Variants in PDE1A observed in about 807,000 individuals in gnomAD.
The protein encoded by PDE1A is dual specificity calcium/calmodulin-dependent 3',5'-cyclic nucleotide phosphodiesterase 1A.
PDE1A carries 35 observed loss-of-function variants against 61.7 expected under a neutral mutation model. That is an observed-to-expected ratio of 0.57 (90% CI 0.43 to 0.75). The LOEUF (loss-of-function observed/expected upper bound fraction) is 0.75, where lower values mean the gene tolerates loss of function less well. PDE1A is among the 30% of genes least tolerant of loss of function. The pLI is 0.00. For synonymous variants in PDE1A, 232 were observed against 213.2 expected, an observed-to-expected ratio of 1.09 and a Z score of -0.77; for missense variants, 597 against 630.6, an observed-to-expected ratio of 0.95 and a Z score of 0.57.
chr2:182,171,835 C>G (rs1474244709), intron 13 of PDE1A, among the ~76,000 whole-genome samples: 1 of 151,532 alleles, frequency 6.6e-6, no homozygotes, highest in Non-Finnish European at 1.5e-5. Flanking sequence ...TTAGCTTACT[C>G]TGCCCCATCA....
At chr2:182,503,516 C>G (rs1689219803) in intron 2 of PDE1A, among the ~76,000 whole-genome samples, 1 of 152,148 alleles carries the variant, frequency 6.6e-6, no homozygotes, top group Non-Finnish European at 1.5e-5. Context: ...CCTACCTGTA[C>G]TACAGCCCTT....
chr2:182,386,798 G>A (rs1282007316), intron 1 of PDE1A, among the ~76,000 whole-genome samples: 1 of 149,896 alleles, frequency 6.7e-6, no homozygotes, highest in Non-Finnish European at 1.5e-5. Context: ...CTGGGAGGGA[G>A]GTGGGGGGCA....
chr2:182,299,612 T>G (rs961598177), intron 1 of PDE1A, among the ~76,000 whole-genome samples: 5 of 151,562 alleles, frequency 3.3e-5, no homozygotes, highest in Non-Finnish European at 7.4e-5. Flanking sequence ...TACTACAAAT[T>G]TAATGAAACA....
intron 1 of PDE1A, among the ~76,000 whole-genome samples, chr2:182,371,288 G>A (rs1485813726): frequency 6.6e-6 from 1 of 151,952 alleles, no homozygotes; most frequent in Non-Finnish European, 1.5e-5. Context: ...TAAGATCAAG[G>A]CCCTGCCAAA....
upstream of PDE1A, among the ~76,000 whole-genome samples, chr2:182,523,476 T>C (rs1559541081): frequency 6.6e-6 from 1 of 152,172 alleles, no homozygotes; most frequent in Non-Finnish European, 1.5e-5. Flanking sequence ...ATGAGCACCA[T>C]AACAGCTCTT....
At chr2:182,406,835 A>G (rs1473023182) in intron 1 of PDE1A, among the ~76,000 whole-genome samples, 1 of 152,078 alleles carries the variant, frequency 6.6e-6, no homozygotes, top group East Asian at 1.9e-4. Context: ...TTAAAATTAT[A>G]TTAATAAATT....
intron 1 of PDE1A, among the ~76,000 whole-genome samples, chr2:182,335,706 G>A (rs950059198): frequency 2.0e-5 from 3 of 152,140 alleles, no homozygotes; most frequent in African/African-American, 7.2e-5. Flanking sequence ...ACATAGGCAT[G>A]GGCAAATCTT....
the PDE1A span, among the ~76,000 whole-genome samples, chr2:182,595,387 T>C: frequency 3.3e-5 from 5 of 152,190 alleles, no homozygotes; most frequent in African/African-American, 1.2e-4. Flanking sequence ...ATTGACTCTT[T>C]CAAAGATTCT....
chr2:182,700,963 T>C, the PDE1A span, among the ~76,000 whole-genome samples: 1 of 151,876 alleles, frequency 6.6e-6, no homozygotes, highest in East Asian at 1.9e-4. Flanking sequence ...TCCTAATTAG[T>C]TTTCATTTAA....
chr2:182,352,398 G>A (rs1203287993), intron 1 of PDE1A, among the ~76,000 whole-genome samples: 2 of 152,146 alleles, frequency 1.3e-5, no homozygotes, highest in Non-Finnish European at 1.5e-5. Flanking sequence ...GAACCCAGGA[G>A]CCTTATGCCT....
the PDE1A span, among the ~76,000 whole-genome samples, chr2:182,575,670 G>A: frequency 2.8e-3 from 422 of 148,810 alleles, 5 homozygotes; most frequent in Non-Finnish European, 4.0e-3. Context: ...TTCCAGGGGA[G>A]GAACGCTGCC....
the PDE1A span, among the ~76,000 whole-genome samples, chr2:182,561,530 G>C: frequency 6.6e-6 from 1 of 152,128 alleles, no homozygotes; most frequent in Non-Finnish European, 1.5e-5. Context: ...GATTGACTTG[G>C]CAATGCGGGC....
At chr2:182,519,363 G>A (rs1222432554) in intron 2 of PDE1A, among the ~76,000 whole-genome samples, 1 of 152,000 alleles carries the variant, frequency 6.6e-6, no homozygotes, top group Non-Finnish European at 1.5e-5. Flanking sequence ...ATGATGACTT[G>A]TAGTGTAGAA....
chr2:182,158,052 C>A (rs1201433593), intron 13 of PDE1A, among the ~76,000 whole-genome samples: 2 of 152,178 alleles, frequency 1.3e-5, no homozygotes, highest in African/African-American at 4.8e-5. Context: ...CAATACCTAA[C>A]TTTGGCTGGC....
intron 2 of PDE1A, among the ~76,000 whole-genome samples, chr2:182,446,835 C>T (rs1320810600): frequency 4.0e-5 from 6 of 151,722 alleles, no homozygotes; most frequent in African/African-American, 1.5e-4. Flanking sequence ...GTATGTGATC[C>T]CCAGAAAATT....
chr2:182,574,220 G>A, the PDE1A span, among the ~76,000 whole-genome samples: 1 of 152,006 alleles, frequency 6.6e-6, no homozygotes, highest in Non-Finnish European at 1.5e-5. Context: ...GCTGGCAGCT[G>A]ATTAAAAGGT....
intron 1 of PDE1A, among the ~76,000 whole-genome samples, chr2:182,390,720 G>C (rs1361753288): frequency 6.6e-6 from 1 of 152,196 alleles, no homozygotes; most frequent in East Asian, 1.9e-4. Context: ...CTGTTAAAGT[G>C]AGGGCATTGA....
At chr2:182,400,924 T>C (rs1045062525) in intron 1 of PDE1A, among the ~76,000 whole-genome samples, 1 of 152,206 alleles carries the variant, frequency 6.6e-6, no homozygotes, top group Admixed American at 6.5e-5. Flanking sequence ...TTACCAAACA[T>C]TAATGATTCC....
chr2:182,599,346 G>T, the PDE1A span, among the ~76,000 whole-genome samples: 4 of 152,228 alleles, frequency 2.6e-5, no homozygotes, highest in Non-Finnish European at 5.9e-5. Context: ...TGGCCTTAGG[G>T]TAGTCTTTTT....
Sources: gnomAD v4.1 joint callset for allele counts (sites outside exome capture counted in the v4.1 genomes callset) on GRCh38, gnomAD v4.1.1 for gene constraint, MANE v1.5 for transcripts, NCBI Gene and HGNC (gene_info 2026-07-23, HGNC 2026-07-21) for gene names.